The following ICOS variants were observed in gnomAD, a reference collection of about 807,000 sequenced individuals.
The protein encoded by ICOS is inducible T-cell costimulator.
Under a neutral mutation model 24.6 loss-of-function variants are expected in ICOS, and 15 were observed. That is an observed-to-expected ratio of 0.61 (90% CI 0.41 to 0.94). ICOS has a LOEUF of 0.94. Ranked by LOEUF, ICOS falls within the 40% of genes least tolerant of loss-of-function variation. ICOS has a pLI of 0.00. For synonymous variants in ICOS, 89 were observed against 77.5 expected (o/e 1.15, Z -0.78); for missense variants, 200 against 233.0 (o/e 0.86, Z 0.92).
At chr2:203,953,394 T>C (rs1307938811) in intron 1 of ICOS, among the ~76,000 whole-genome samples, 1 of 152,194 alleles carries the variant, frequency 6.6e-6, no homozygotes, top group Non-Finnish European at 1.5e-5. Context: ...TTTTGGACAT[T>C]TGTTCAACAT....
At chr2:203,942,341 TTTAA>T (rs564002251) in intron 1 of ICOS, among the ~76,000 whole-genome samples, 89 of 152,358 alleles carry the variant, frequency 5.8e-4, no homozygotes, top group African/African-American at 1.9e-3. Context: ...TTTGCACTTA[TTTAA>T]TTATGATGAA....
At chr2:203,951,256 T>C (rs1186428817) in intron 1 of ICOS, among the ~76,000 whole-genome samples, 1 of 152,222 alleles carries the variant, frequency 6.6e-6, no homozygotes, top group Non-Finnish European at 1.5e-5. Flanking sequence ...TAGCCCATTA[T>C]GATATTGAGA....
At chr2:203,952,943 A>T (rs895512876) in intron 1 of ICOS, among the ~76,000 whole-genome samples, 1 of 152,156 alleles carries the variant, frequency 6.6e-6, no homozygotes, top group Admixed American at 6.5e-5. Flanking sequence ...TTTGTATGAA[A>T]TTTTTTGAGG....
chr2:203,956,831 A>G, intron 3 of ICOS, 66 bp downstream of exon 3: 1 of 1,051,730 alleles, frequency 9.5e-7, no homozygotes, highest in Non-Finnish European at 1.5e-6. Flanking sequence ...TTTCCTCATC[A>G]AAAGTACACA....
rs1435305849 is a variant in ICOS, at chr2:203,957,668, A to T, written c.502-131A>T. The T allele has an allele frequency of 6.8e-6, 5 of 732,556 alleles. No individual in the cohort carries two copies. In the Admixed American group the frequency reaches 1.0e-4, roughly 15 times the overall value. 45.4% of individuals were successfully genotyped at this position (732,556 alleles called of 1,614,324 possible). A position where few individuals can be genotyped will look rare whatever the true frequency, so the allele number is the denominator to read the frequency against. On this transcript the variant is annotated intron_variant, in intron 3 of 4. Transcript: ENST00000316386. Reference sequence around the variant, plus strand: ...TTCATATTGTTTTTCTACTTAGCCTAAAGCCAGGAACCTAAGTCACATTAT... The same window carrying T: ...TTCATATTGTTTTTCTACTTAGCCTTAAGCCAGGAACCTAAGTCACATTAT...
chr2:203,951,821 C>A (rs187312468), intron 1 of ICOS, among the ~76,000 whole-genome samples: 5 of 152,134 alleles, frequency 3.3e-5, no homozygotes, highest in Admixed American at 6.5e-5. Flanking sequence ...TAGAGACATA[C>A]GCATCAAAGC....
intron 1 of ICOS, among the ~76,000 whole-genome samples, chr2:203,940,823 G>A (rs1352600495): frequency 6.6e-6 from 1 of 151,678 alleles, no homozygotes; most frequent in Non-Finnish European, 1.5e-5. Context: ...TCACTCTGTC[G>A]CCCAGGCTGG....
chr2:203,952,136 C>T (rs1391715831), intron 1 of ICOS, among the ~76,000 whole-genome samples: 1 of 151,904 alleles, frequency 6.6e-6, no homozygotes, highest in Non-Finnish European at 1.5e-5. Context: ...TCAAGAAATA[C>T]AAGACTGTCA....
intron 1 of ICOS, among the ~76,000 whole-genome samples, chr2:203,937,617 C>T (rs754829752): frequency 1.6e-4 from 25 of 151,784 alleles, no homozygotes; most frequent in Non-Finnish European, 3.2e-4. Flanking sequence ...CACACTGAGC[C>T]CTATTCTTGA....
rs77411896 is a variant in ICOS, at chr2:203,936,854, C to A, written c.40C>A (p.Arg14Ser). 4 of 1,610,384 alleles carry A rather than the reference C, an allele frequency of 2.5e-6. No individual in the cohort carries two copies. The highest frequency in any genetic ancestry group is 2.2e-5 in the East Asian group (1 of 44,862). The part of the protein sequence containing the change: ...GLWYFFLFCL[R>S]IKVLTGEING... Reference sequence around the variant, plus strand: ...CTGGTATTTCTTTCTCTTCTGCTTGCGCATTAAAGTTTTAACAGGTAAGTG... The same window carrying A: ...CTGGTATTTCTTTCTCTTCTGCTTGAGCATTAAAGTTTTAACAGGTAAGTG... Residue 14 changes from arginine (R) to serine (S), a missense_variant, in exon 1 of 5, where the codon CGC becomes AGC. By Grantham distance (110) the Arg-to-Ser change is moderately radical. Transcript: ENST00000316386.
intron 1 of ICOS, among the ~76,000 whole-genome samples, chr2:203,955,351 T>C (rs1406884807): frequency 6.6e-6 from 1 of 152,158 alleles, no homozygotes; most frequent in Non-Finnish European, 1.5e-5. Flanking sequence ...ACAGAGGCCA[T>C]ACCAGTTTGA....
chr2:203,943,473 T>C (rs964053007), intron 1 of ICOS, among the ~76,000 whole-genome samples: 1 of 152,118 alleles, frequency 6.6e-6, no homozygotes, highest in African/African-American at 2.4e-5. Flanking sequence ...TGGGCTGGTA[T>C]TGGGGGTTGT....
intron 1 of ICOS, among the ~76,000 whole-genome samples, chr2:203,951,543 T>C (rs1344811715): frequency 1.3e-5 from 2 of 152,292 alleles, no homozygotes; most frequent in South Asian, 4.1e-4. Flanking sequence ...TGCAATGCAC[T>C]TCCACCACAC....
chr2:203,943,588 C>T, intron 1 of ICOS, among the ~76,000 whole-genome samples: 1 of 152,080 alleles, frequency 6.6e-6, no homozygotes, highest in Admixed American at 6.5e-5. Flanking sequence ...CCATGAGGGC[C>T]TTTAGCTTTG....
chr2:203,938,065 A>C (rs1332395614), intron 1 of ICOS, among the ~76,000 whole-genome samples: 1 of 152,266 alleles, frequency 6.6e-6, no homozygotes, highest in Non-Finnish European at 1.5e-5. Flanking sequence ...AAGGATGAGC[A>C]AAACCAGGTC....
chr2:203,937,744 CA>C (rs1363053350), intron 1 of ICOS, among the ~76,000 whole-genome samples: 1 of 150,040 alleles, frequency 6.7e-6, no homozygotes. Context: ...TTTTCAGTGG[CA>C]AAAAAATAGA....
In ICOS at chr2:203,942,516, G is replaced by T. The variant is rs117323630; in HGVS notation, c.58+5644G>T. ...TGAATGAAAATGTCTAGGGAAATGA[G>T]TGTGTTATGTACAATGTAATTTCAT... On this transcript the variant is annotated intron_variant, in intron 1 of 4. Transcript: ENST00000316386. 6.6e-4 allele frequency among the ~76,000 whole-genome samples: 101 copies of T among 152,278 alleles called. No homozygotes were observed. The East Asian group carries it at 0.014, about 22-fold the overall frequency.
In ICOS at chr2:203,959,477, T is replaced by A. The variant is rs78281070; in HGVS notation, c.587-109T>A. ...GTGAGTGTGTGTGTGTGTGTGTGTG[T>A]GCACGTGTGTGTTTGTGTGTATGAA... is the stretch of plus-strand genomic sequence containing the variant. On this transcript the variant is annotated intron_variant, in intron 4 of 4. Transcript: ENST00000316386. 1,073 of 819,984 alleles carry A rather than the reference T, an allele frequency of 1.3e-3. 3 individuals carry two copies. Among genetic ancestry groups the A allele is most frequent in the Middle Eastern group, 2.2e-3 (10 of 4,502 alleles). The allele number at this position is 819,984 out of a possible 1,614,324, so 50.8% of individuals were successfully genotyped here. A position where few individuals can be genotyped will look rare whatever the true frequency, so the allele number is the denominator to read the frequency against.
intron 1 of ICOS, among the ~76,000 whole-genome samples, chr2:203,939,142 T>C (rs1453379191): frequency 6.6e-6 from 1 of 152,248 alleles, no homozygotes; most frequent in African/African-American, 2.4e-5. Flanking sequence ...GGTTAAGTGA[T>C]TTGTTACACA....
Sources: allele counts gnomAD v4.1 joint callset (sites outside exome capture counted in the v4.1 genomes callset), GRCh38; gene constraint gnomAD v4.1.1; transcripts MANE v1.5; gene names NCBI Gene and HGNC (gene_info 2026-07-23, HGNC 2026-07-21).